POM121: variants seen among roughly 807,000 people sequenced by gnomAD.
POM121 encodes POM121 transmembrane nucleoporin.
In POM121, 32 loss-of-function variants were observed where a neutral mutation model predicts 81.3. The ratio of observed to expected loss-of-function variants is 0.39; its 90% CI spans 0.30 to 0.53. POM121 has a LOEUF of 0.53. Ranked by LOEUF, POM121 falls within the 20% of genes least tolerant of loss-of-function variation. POM121 has a pLI of 0.66. For missense variants in POM121, 1,138 were observed against 1,614.6 expected (o/e 0.70, Z 5.06); for synonymous variants, 514 against 694.2 (o/e 0.74, Z 4.08).
chr7:72,925,761 C>A lies in POM121; in HGVS notation c.640C>A (p.Pro214Thr). The A allele has an allele frequency of 1.5e-6, 2 of 1,307,670 alleles. No homozygotes were observed. Among genetic ancestry groups the A allele is most frequent in the South Asian group, 2.0e-5 (1 of 49,736 alleles). 81.0% of individuals were successfully genotyped at this position (1,307,670 alleles called of 1,614,324 possible). ...TCTCCGACCCTCCAGGAGGCCTTCC[C>A]CACGGTAAGATGCGCTGATTTTGTC... ...PLLRPSRRPS[P>T]RDCGTLPNRF... The change falls in exon 1 of 13, where the codon CCA becomes ACA. Residue 214 changes from proline to threonine, a missense_variant. Coordinates refer to ENST00000434423, the MANE Select transcript of POM121 (RefSeq NM_001387691.1).
At position 72,946,345 on chromosome 7, in the gene POM121, T is replaced by C; in HGVS notation, c.*111T>C. 6.9e-7 allele frequency: 1 copy of C among 1,456,114 alleles called. No homozygotes were observed. Among genetic ancestry groups the C allele is most frequent in the Non-Finnish European group, 9.1e-7 (1 of 1,100,818 alleles). The allele number at this position is 1,456,114 out of a possible 1,614,324, so 90.2% of individuals were successfully genotyped here. A position where few individuals can be genotyped will look rare whatever the true frequency, so the allele number is the denominator to read the frequency against. ...TTGCGTAAAGCAAACCTACCCCGGA[T>C]CTCTGGCTTCAGCCGCCAGGGGGCA... is the stretch of plus-strand genomic sequence containing the variant. On this transcript the variant is annotated 3_prime_UTR_variant, in exon 13 of 13. Transcript: ENST00000434423.
intron 7 of POM121, 102 bp from the exon 8 acceptor site, chr7:72,939,745 G>A: frequency 1.2e-6 from 2 of 1,609,320 alleles, no homozygotes; most frequent in Non-Finnish European, 1.7e-6. Context: ...TCTTTTCAGA[G>A]ATACCCATTG....
chr7:72,950,366 T>C (rs186760187), downstream of POM121: 1,435 of 732,488 alleles, frequency 2.0e-3, 8 homozygotes, highest in Non-Finnish European at 2.8e-3. Context: ...GCCAGACTTA[T>C]GGGTCAGGAG....
At chr7:72,930,213 G>A in intron 5 of POM121, 102 bp downstream of exon 5, 1 of 1,425,842 alleles carries the variant, frequency 7.0e-7, no homozygotes. Flanking sequence ...CCAGCACTTT[G>A]GAAGGCCAAA....
intron 3 of POM121, among the ~76,000 whole-genome samples, chr7:72,927,267 C>T (rs1447307166): frequency 2.6e-5 from 4 of 152,182 alleles, no homozygotes; most frequent in African/African-American, 9.7e-5. Flanking sequence ...AGAAAGAAGG[C>T]TCTAAGTCTT....
At chr7:72,935,789 A>G (rs1796453241) in intron 5 of POM121, among the ~76,000 whole-genome samples, 1 of 151,890 alleles carries the variant, frequency 6.6e-6, no homozygotes, top group Admixed American at 6.6e-5. Context: ...CCCTAGGTAT[A>G]TGCTATTCTA....
At chr7:72,931,569 A>T (rs1377448555) in intron 5 of POM121, among the ~76,000 whole-genome samples, 1 of 151,010 alleles carries the variant, frequency 6.6e-6, no homozygotes, top group East Asian at 1.9e-4. Context: ...AGTAACACGC[A>T]ATTTCTTTTT....
At chr7:72,880,638 G>A (rs1425429452) in intron 1 of POM121, among the ~76,000 whole-genome samples, 11 of 151,930 alleles carry the variant, frequency 7.2e-5, no homozygotes, top group Non-Finnish European at 1.6e-4. Flanking sequence ...CCTGTAATCC[G>A]AGCACTTTGC....
intron 4 of POM121, among the ~76,000 whole-genome samples, chr7:72,918,914 C>A (rs868982127): frequency 6.6e-6 from 1 of 152,138 alleles, no homozygotes; most frequent in Non-Finnish European, 1.5e-5. Context: ...TCTCCTGCCT[C>A]AGCCTCCCTA....
chr7:72,936,926 T>C (rs1554499630), intron 5 of POM121, among the ~76,000 whole-genome samples: 1 of 152,186 alleles, frequency 6.6e-6, no homozygotes, highest in Non-Finnish European at 1.5e-5. Context: ...GGATTACAGG[T>C]GTGAGCCACC....
Position 72,919,719 on chromosome 7 carries a change from C to T in POM121, c.-152+5891C>T, listed in dbSNP as rs187958266. On this transcript the variant is annotated intron_variant, in intron 4 of 15. Transcript: ENST00000395270. ...CTGGTCTCGAACTCTGAGGCTCAAG[C>T]GATCTGCCCACCTCAGCCTTAAAGT... Among the ~76,000 whole-genome samples the T allele has an allele frequency of 5.3e-5, 8 of 152,228 alleles. No individual in the cohort carries two copies. In the East Asian group the frequency reaches 1.4e-3, roughly 26 times the overall value.
At chr7:72,931,579 T>C (rs1420737169) in intron 5 of POM121, among the ~76,000 whole-genome samples, 2 of 152,014 alleles carry the variant, frequency 1.3e-5, no homozygotes, top group East Asian at 1.9e-4. Flanking sequence ...AATTTCTTTT[T>C]TTTTTTTTTT....
chr7:72,910,122 C>T (rs529170093), intron 3 of POM121, among the ~76,000 whole-genome samples: 3 of 152,318 alleles, frequency 2.0e-5, no homozygotes, highest in South Asian at 2.1e-4. Context: ...TTGCTGCTAG[C>T]GTTCATTTAA....
intron 3 of POM121, among the ~76,000 whole-genome samples, chr7:72,906,662 C>T (rs1554493494): frequency 6.6e-6 from 1 of 152,124 alleles, no homozygotes; most frequent in Admixed American, 6.6e-5. Context: ...GAGTCTTACT[C>T]TGTTGGCTGG....
At chr7:72,913,353 A>G (rs1793987894) in intron 3 of POM121, among the ~76,000 whole-genome samples, 1 of 152,242 alleles carries the variant, frequency 6.6e-6, no homozygotes, top group Non-Finnish European at 1.5e-5. Context: ...AGAGAAAGTC[A>G]TGGGCAGATG....
rs201049716 is a variant in POM121, at chr7:72,943,357, A to G, written c.3364A>G (p.Thr1122Ala). 1,371 of 1,606,764 alleles carry G rather than the reference A, an allele frequency of 8.5e-4. 38 individuals carry two copies. In the East Asian group the frequency reaches 0.012, roughly 14 times the overall value. Reference protein sequence around the residue: ...GINVATPGSSTTTGAFSFGAG... With the variant: ...GINVATPGSSATTGAFSFGAG... ...CAATGTGGCCACCCCAGGCTCCAGC[A>G]CCACCACCGGAGCTTTCAGCTTTGG... is the stretch of plus-strand genomic sequence containing the variant. Residue 1122 changes from threonine to alanine, a missense_variant, in exon 11 of 13, where the codon ACC (threonine) becomes GCC (alanine). Physicochemically the swap from Thr to Ala is moderately conservative, Grantham distance 58 (BLOSUM62 0). Coordinates refer to ENST00000434423, the MANE Select transcript of POM121 (RefSeq NM_001387691.1).
chr7:72,922,455 C>T (rs188571661), upstream of POM121, among the ~76,000 whole-genome samples: 2 of 152,010 alleles, frequency 1.3e-5, no homozygotes, highest in African/African-American at 4.8e-5. Flanking sequence ...GGTGCGATCT[C>T]GGCTCACTGC....
intron 3 of POM121, among the ~76,000 whole-genome samples, chr7:72,899,673 G>A (rs1478876050): frequency 6.6e-6 from 1 of 151,312 alleles, no homozygotes. Flanking sequence ...CCGCCTCCAG[G>A]GTTCACACCA....
intron 3 of POM121, among the ~76,000 whole-genome samples, chr7:72,897,932 T>G (rs1792132800): frequency 6.6e-6 from 1 of 152,082 alleles, no homozygotes; most frequent in South Asian, 2.1e-4. Flanking sequence ...GGTGAGAGAA[T>G]CGCTTTAGCC....
Sources: allele counts gnomAD v4.1 joint callset (sites outside exome capture counted in the v4.1 genomes callset), GRCh38; gene constraint gnomAD v4.1.1; transcripts MANE v1.5; gene names NCBI Gene and HGNC (gene_info 2026-07-23, HGNC 2026-07-21).